ENPP6: variants seen among roughly 807,000 people sequenced by gnomAD.
The protein encoded by ENPP6 is ectonucleotide pyrophosphatase/phosphodiesterase 6, also known as glycerophosphocholine cholinephosphodiesterase ENPP6.
Under a neutral mutation model 42.0 loss-of-function variants are expected in ENPP6, and 32 were observed. That is an observed-to-expected ratio of 0.76 (90% CI 0.58 to 1.02). The LOEUF (loss-of-function observed/expected upper bound fraction) is 1.02, where lower values mean the gene tolerates loss of function less well. Among genes scored for constraint, ENPP6 ranks in the 50% least tolerant of loss-of-function variants. The probability of loss-of-function intolerance (pLI) is 0.00; values close to 1 mark genes in which losing one functional copy is unlikely to be tolerated. For synonymous variants in ENPP6, 213 were observed against 216.0 expected, an observed-to-expected ratio of 0.99 and a Z score of 0.12; for missense variants, 552 against 566.8, an observed-to-expected ratio of 0.97 and a Z score of 0.27.
intron 1 of ENPP6, among the ~76,000 whole-genome samples, chr4:184,165,088 G>T (rs1362958747): frequency 6.6e-6 from 1 of 152,194 alleles, no homozygotes; most frequent in Non-Finnish European, 1.5e-5. Context: ...AAGGTCTTGG[G>T]GCTGAGCCCA....
rs1161430360 is a variant in ENPP6, at chr4:184,184,279, C to A, written c.242-30546G>T. ...TTAGAATAAAAGACAAGCTTTATGA[C>A]GTGTTTAAAGAAATAAAAGATAGAA... On this transcript the variant is annotated intron_variant, in intron 1 of 7. Coordinates refer to ENST00000296741, the MANE Select transcript of ENPP6 (RefSeq NM_153343.4). This position sits in a 1 kb window ranked among gnomAD's most constrained non-coding sequence, Gnocchi z 4.7. 6.6e-6 allele frequency among the ~76,000 whole-genome samples: 1 copy of A among 151,944 alleles called. No homozygotes were observed. The highest frequency in any genetic ancestry group is 6.6e-5 in the Admixed American group (1 of 15,254).
At chr4:184,145,859 G>A (rs1361112282) in intron 2 of ENPP6, among the ~76,000 whole-genome samples, 1 of 152,196 alleles carries the variant, frequency 6.6e-6, no homozygotes, top group Non-Finnish European at 1.5e-5. Flanking sequence ...ATAGGGGCCA[G>A]TGACTGCCCA....
intron 1 of ENPP6, among the ~76,000 whole-genome samples, chr4:184,166,422 G>A (rs1181966740): frequency 2.0e-5 from 3 of 152,234 alleles, no homozygotes; most frequent in South Asian, 2.1e-4. Context: ...TTTCTGCAGC[G>A]CCTGCCAGCT....
At chr4:184,112,082 C>T (rs534485216) in intron 6 of ENPP6, among the ~76,000 whole-genome samples, 6 of 152,166 alleles carry the variant, frequency 3.9e-5, no homozygotes, top group Non-Finnish European at 8.8e-5. Context: ...ACTGCAGACT[C>T]CCCTAAAGGG....
chr4:184,124,311 A>C, intron 2 of ENPP6, 39 bp from the exon 3 acceptor site: 1 of 1,482,516 alleles, frequency 6.7e-7, no homozygotes, highest in Non-Finnish European at 9.4e-7. Flanking sequence ...ACTCTCTTCA[A>C]TAAGTAATGT....
chr4:184,122,777 C>A (rs1054546365), intron 3 of ENPP6, among the ~76,000 whole-genome samples: 9 of 152,202 alleles, frequency 5.9e-5, no homozygotes, highest in Non-Finnish European at 1.3e-4. Flanking sequence ...TATGACAACT[C>A]TAACCCGAAA....
At chr4:184,192,433 A>G (rs543271128) in intron 1 of ENPP6, among the ~76,000 whole-genome samples, 3 of 152,370 alleles carry the variant, frequency 2.0e-5, no homozygotes, top group African/African-American at 4.8e-5. Flanking sequence ...CACACTGTAT[A>G]TAAACATTAA....
At position 184,091,288 on chromosome 4, in the gene ENPP6, G is replaced by C. The variant is rs757735442; in HGVS notation, c.1212C>G (p.Asn404Lys). Residue 404 changes from asparagine to lysine, a missense_variant, in exon 8 of 8, where the codon AAC (asparagine) becomes AAG (lysine). Transcript: ENST00000296741. ...NVVGITPLPN[N>K]GSWSRVMCML... ...TGCACATCACCCTGGACCAGGATCCGTTGTTGGGCAGCGGGGTGATGCCCA... is the reference window on the plus strand; with the variant it reads ...TGCACATCACCCTGGACCAGGATCCCTTGTTGGGCAGCGGGGTGATGCCCA... 1.2e-6 allele frequency: 2 copies of C among 1,613,888 alleles called. No individual in the cohort carries two copies. Among genetic ancestry groups the C allele is most frequent in the Non-Finnish European group, 1.7e-6 (2 of 1,179,996 alleles).
chr4:184,113,918 T>TCTTTCTTTCTTTCTTC (rs1344892361), intron 5 of ENPP6, among the ~76,000 whole-genome samples: 4 of 135,826 alleles, frequency 2.9e-5, no homozygotes, highest in Admixed American at 1.5e-4. Flanking sequence ...TTTCTTTCTT[T>TCTTTCTTTCTTTCTTC]CTTTCTTTCT....
intron 1 of ENPP6, among the ~76,000 whole-genome samples, chr4:184,180,539 T>C (rs562611985): frequency 8.4e-6 from 1 of 119,192 alleles, no homozygotes; most frequent in South Asian, 3.9e-4. Flanking sequence ...TACCAAAACC[T>C]GGCAGAGATA....
At chr4:184,144,592 C>T (rs1399544257) in intron 2 of ENPP6, among the ~76,000 whole-genome samples, 4 of 152,206 alleles carry the variant, frequency 2.6e-5, no homozygotes, top group African/African-American at 4.8e-5. Flanking sequence ...GGGAGCCTGA[C>T]GTCAAGTCCA....
chr4:184,114,938 C>T (rs1018903953), intron 5 of ENPP6, among the ~76,000 whole-genome samples: 7 of 152,128 alleles, frequency 4.6e-5, no homozygotes, highest in Non-Finnish European at 1.0e-4. Flanking sequence ...GGACTGTCCC[C>T]CTGGGGATGG....
In ENPP6 at chr4:184,184,004, G is replaced by A. The variant is rs957204430; in HGVS notation, c.242-30271C>T. Reference sequence around the variant, plus strand: ...GATGTTGGTGCTCAGGGCGATCCTGGAAGTTGGACATGGTGCAGCCTTCAT... The same window carrying A: ...GATGTTGGTGCTCAGGGCGATCCTGAAAGTTGGACATGGTGCAGCCTTCAT... On this transcript the variant is annotated intron_variant, in intron 1 of 7. Coordinates refer to ENST00000296741, the MANE Select transcript of ENPP6 (RefSeq NM_153343.4). This position sits in a 1 kb window ranked among gnomAD's most constrained non-coding sequence, Gnocchi z 4.7. Among the ~76,000 whole-genome samples the A allele has an allele frequency of 3.0e-4, 45 of 152,194 alleles. No individual in the cohort carries two copies. Among genetic ancestry groups the A allele is most frequent in the African/African-American group, 1.1e-3 (45 of 41,428 alleles).
At chr4:184,138,900 G>A (rs1736774143) in intron 2 of ENPP6, among the ~76,000 whole-genome samples, 1 of 152,238 alleles carries the variant, frequency 6.6e-6, no homozygotes, top group African/African-American at 2.4e-5. Flanking sequence ...GAGAGAGGAA[G>A]AAACTTCGAA....
chr4:184,105,497 A>C (rs745606121), intron 6 of ENPP6, among the ~76,000 whole-genome samples: 1 of 152,198 alleles, frequency 6.6e-6, no homozygotes, highest in Non-Finnish European at 1.5e-5. Context: ...TCATGGCTAG[A>C]CTTGAATTCA....
At position 184,112,741 on chromosome 4, in the gene ENPP6, G is replaced by A. The variant is rs777712020; in HGVS notation, c.924C>T (p.Phe308=). The A allele has an allele frequency of 4.3e-6, 7 of 1,613,992 alleles. No individual in the cohort carries two copies. Among genetic ancestry groups the A allele is most frequent in the African/African-American group, 1.3e-5 (1 of 74,892 alleles). ...VYEKEAIPSR[F]YYKKGKFVSP... is the part of the protein sequence containing the mutation. ...AGACAAACTTTCCTTTCTTGTAATAGAACCTGCTTGGGATGGCTTCTTTCT... is the reference window on the plus strand; with the variant it reads ...AGACAAACTTTCCTTTCTTGTAATAAAACCTGCTTGGGATGGCTTCTTTCT... The change falls in exon 6 of 8, where the codon TTC becomes TTT. Residue 308 remains phenylalanine (F), a synonymous_variant. Coordinates refer to ENST00000296741, the MANE Select transcript of ENPP6 (RefSeq NM_153343.4).
chr4:184,151,553 G>A (rs1737025689), intron 2 of ENPP6, among the ~76,000 whole-genome samples: 1 of 152,108 alleles, frequency 6.6e-6, no homozygotes, highest in African/African-American at 2.4e-5. Flanking sequence ...GTTCTTCAAA[G>A]GAGGAAAAAC....
chr4:184,114,415 TA>T (rs150405744), intron 5 of ENPP6, among the ~76,000 whole-genome samples: 96 of 152,344 alleles, frequency 6.3e-4, no homozygotes, highest in African/African-American at 2.3e-3. Flanking sequence ...CTCAACTCTG[TA>T]AAATAATGTA....
At chr4:184,177,760 C>A (rs1179958083) in intron 1 of ENPP6, among the ~76,000 whole-genome samples, 1 of 151,952 alleles carries the variant, frequency 6.6e-6, no homozygotes, top group East Asian at 1.9e-4. Context: ...GCCTAGCAAA[C>A]CTTAGCAACC....
Sources: allele counts gnomAD v4.1 joint callset (sites outside exome capture counted in the v4.1 genomes callset), GRCh38; gene constraint gnomAD v4.1.1; non-coding constraint Gnocchi (gnomAD v3.1); transcripts MANE v1.5; gene names NCBI Gene and HGNC (gene_info 2026-07-23, HGNC 2026-07-21).